The following SLC14A2 variants were observed in gnomAD, a reference collection of about 807,000 sequenced individuals.
The protein encoded by SLC14A2 is urea transporter 2.
In SLC14A2, 91 loss-of-function variants were observed where a neutral mutation model predicts 104.6. That is an observed-to-expected ratio of 0.87 (90% CI 0.73 to 1.04). The LOEUF is 1.04. SLC14A2 is among the 50% of genes least tolerant of loss of function. SLC14A2 has a pLI of 0.00. For missense variants in SLC14A2, 1,189 were observed against 1,156.0 expected, an observed-to-expected ratio of 1.03 and a Z score of -0.41; for synonymous variants, 476 against 466.4, an observed-to-expected ratio of 1.02 and a Z score of -0.27.
intron 1 of SLC14A2, among the ~76,000 whole-genome samples, chr18:45,259,187 G>C (rs1204742616): frequency 6.6e-6 from 1 of 152,216 alleles, no homozygotes; most frequent in East Asian, 1.9e-4. Context: ...CTCCTGCTCA[G>C]AGGGTGGAGA....
chr18:45,503,493 A>G (rs968867426), intron 2 of SLC14A2, among the ~76,000 whole-genome samples: 4 of 152,038 alleles, frequency 2.6e-5, no homozygotes, highest in African/African-American at 9.7e-5. Context: ...TCTGTTTGCC[A>G]TTGTAACCCT....
At chr18:45,306,194 G>A (rs532255982) in intron 1 of SLC14A2, among the ~76,000 whole-genome samples, 2 of 152,284 alleles carry the variant, frequency 1.3e-5, no homozygotes, top group South Asian at 2.1e-4. Flanking sequence ...TGCAGTGAGA[G>A]GGAATGTTGG....
chr18:45,266,912 G>A (rs568015337), intron 1 of SLC14A2, among the ~76,000 whole-genome samples: 3 of 152,254 alleles, frequency 2.0e-5, no homozygotes, highest in South Asian at 2.1e-4. Flanking sequence ...TGAGAACACT[G>A]CCTTTTGAGT....
intron 1 of SLC14A2, among the ~76,000 whole-genome samples, chr18:45,413,196 A>G (rs1193633349): frequency 2.6e-5 from 4 of 152,346 alleles, no homozygotes; most frequent in Admixed American, 2.6e-4. Context: ...ATCTAATGCT[A>G]TCATGTTATC....
At chr18:45,440,845 C>A (rs2086671266) in intron 1 of SLC14A2, among the ~76,000 whole-genome samples, 1 of 152,156 alleles carries the variant, frequency 6.6e-6, no homozygotes, top group Admixed American at 6.5e-5. Context: ...TGAGAACCTA[C>A]CAGGAATTGA....
chr18:45,674,797 G>C (rs1382841615), intron 18 of SLC14A2, among the ~76,000 whole-genome samples: 1 of 152,130 alleles, frequency 6.6e-6, no homozygotes, highest in Non-Finnish European at 1.5e-5. Flanking sequence ...GTGAGACAAG[G>C]GAGACACGTG....
intron 2 of SLC14A2, among the ~76,000 whole-genome samples, chr18:45,588,772 G>T (rs1465763626): frequency 6.6e-6 from 1 of 152,154 alleles, no homozygotes; most frequent in Non-Finnish European, 1.5e-5. Context: ...CCCAGAGGTG[G>T]TTTAGCCTCA....
chr18:45,307,333 G>A (rs148359039), intron 1 of SLC14A2, among the ~76,000 whole-genome samples: 161 of 149,838 alleles, frequency 1.1e-3, no homozygotes, highest in African/African-American at 1.9e-3. Context: ...CAGGAGAATC[G>A]CTTGAACCCG....
chr18:45,565,548 G>A (rs189743151), intron 2 of SLC14A2, among the ~76,000 whole-genome samples: 11 of 152,312 alleles, frequency 7.2e-5, no homozygotes, highest in South Asian at 2.1e-4. Flanking sequence ...ATGGGCTGGC[G>A]TCGTGGATAT....
chr18:45,565,944 G>A (rs17729642), intron 2 of SLC14A2, among the ~76,000 whole-genome samples: 6,887 of 152,304 alleles, frequency 0.045, 211 homozygotes, highest in Non-Finnish European at 0.067. Flanking sequence ...CCCAGATAAA[G>A]TCACAAGGCA....
At chr18:45,189,703 T>C in the SLC14A2 span, among the ~76,000 whole-genome samples, 1 of 143,408 alleles carries the variant, frequency 7.0e-6, no homozygotes, top group African/African-American at 2.5e-5. Context: ...GCATGCCAAA[T>C]GCTTAAAGCA....
intron 1 of SLC14A2, among the ~76,000 whole-genome samples, chr18:45,356,621 C>T (rs2085556817): frequency 6.6e-6 from 1 of 152,086 alleles, no homozygotes; most frequent in Non-Finnish European, 1.5e-5. Flanking sequence ...AAAATGTAGG[C>T]CAACAGTCTA....
intron 1 of SLC14A2, among the ~76,000 whole-genome samples, chr18:45,382,724 T>C (rs926523593): frequency 5.9e-5 from 9 of 152,206 alleles, no homozygotes; most frequent in African/African-American, 2.2e-4. Context: ...GGTAGGCACT[T>C]GCTAAATACT....
At chr18:45,178,880 A>T in the SLC14A2 span, among the ~76,000 whole-genome samples, 1 of 152,198 alleles carries the variant, frequency 6.6e-6, no homozygotes, top group East Asian at 1.9e-4. Context: ...AATATTTTTG[A>T]GCTGAAGAAA....
intron 2 of SLC14A2, among the ~76,000 whole-genome samples, chr18:45,504,165 G>T (rs1303939401): frequency 6.6e-6 from 1 of 152,136 alleles, no homozygotes; most frequent in East Asian, 1.9e-4. Flanking sequence ...TTTTTTGCTT[G>T]TTTATTTTCT....
intron 1 of SLC14A2, among the ~76,000 whole-genome samples, chr18:45,232,036 T>TA (rs113423302): frequency 0.013 from 1,845 of 142,702 alleles, 17 homozygotes; most frequent in Middle Eastern, 0.03. Context: ...ATTGCAATAG[T>TA]AAAAAAAAAA....
At chr18:45,174,354 T>A in the SLC14A2 span, among the ~76,000 whole-genome samples, 1 of 152,164 alleles carries the variant, frequency 6.6e-6, no homozygotes, top group Admixed American at 6.6e-5. Flanking sequence ...TAATTCCTCC[T>A]CGACAATTTC....
intron 10 of SLC14A2, among the ~76,000 whole-genome samples, chr18:45,648,441 G>A (rs1324937881): frequency 2.0e-5 from 3 of 151,914 alleles, no homozygotes; most frequent in Non-Finnish European, 2.9e-5. Context: ...TCCTGACCTC[G>A]TGATTCGCCC....
chr18:45,223,798 A>T (rs572752660), intron 1 of SLC14A2, among the ~76,000 whole-genome samples: 2 of 152,202 alleles, frequency 1.3e-5, no homozygotes, highest in South Asian at 2.1e-4. Flanking sequence ...GGCTTTGGAA[A>T]CCCAGAGACC....
Sources: allele counts gnomAD v4.1 joint callset (sites outside exome capture counted in the v4.1 genomes callset), GRCh38; gene constraint gnomAD v4.1.1; transcripts MANE v1.5; gene names NCBI Gene and HGNC (gene_info 2026-07-23, HGNC 2026-07-21).